The following ERP27 variants were observed in gnomAD, a reference collection of about 807,000 sequenced individuals.
The protein encoded by ERP27 is endoplasmic reticulum resident protein 27.
A neutral mutation model predicts 27.7 loss-of-function variants in ERP27; 23 were observed. The ratio of observed to expected loss-of-function variants is 0.83; its 90% confidence interval spans 0.60 to 1.18. ERP27 has a LOEUF of 1.18. Among genes scored for constraint, ERP27 ranks in the 50% most tolerant of loss-of-function variants. ERP27 has a pLI of 0.00. For synonymous variants in ERP27, 159 were observed against 118.3 expected, an observed-to-expected ratio of 1.34 and a Z score of -2.23; for missense variants, 363 against 327.9, an observed-to-expected ratio of 1.11 and a Z score of -0.83.
At chr12:14,921,255 A>T (rs1054943275) in intron 3 of ERP27, among the ~76,000 whole-genome samples, 3 of 152,234 alleles carry the variant, frequency 2.0e-5, no homozygotes, top group Admixed American at 1.3e-4. Flanking sequence ...GGCAGGTGTC[A>T]TCACAGGAGA....
intron 3 of ERP27, among the ~76,000 whole-genome samples, chr12:14,931,549 G>C (rs1186586574): frequency 6.6e-6 from 1 of 152,246 alleles, no homozygotes; most frequent in East Asian, 1.9e-4. Flanking sequence ...TTCTGGTATG[G>C]CACATAAATA....
chr12:14,930,735 TTTA>T (rs1260369661), intron 3 of ERP27, among the ~76,000 whole-genome samples: 2 of 152,242 alleles, frequency 1.3e-5, no homozygotes, highest in Non-Finnish European at 2.9e-5. Context: ...TGGCTGGCCT[TTTA>T]TTGCTCCAAC....
chr12:14,938,071 G>T lies in ERP27; in HGVS notation c.95-19C>A. ...GGACCATCTAGAGAGAGAAGCAGAA[G>T]ATGTCAGGGTACTGAGGCAAGAAGA... On this transcript the variant is annotated intron_variant, in intron 1 of 6. Transcript: ENST00000266397. The T allele has an allele frequency of 1.2e-6, 2 of 1,601,152 alleles. No individual in the cohort carries two copies. Among genetic ancestry groups the T allele is most frequent in the Non-Finnish European group, 1.7e-6 (2 of 1,168,250 alleles).
At chr12:14,933,298 A>C (rs1863724381) in intron 3 of ERP27, among the ~76,000 whole-genome samples, 2 of 152,198 alleles carry the variant, frequency 1.3e-5, no homozygotes, top group African/African-American at 4.8e-5. Flanking sequence ...AGAGATTATA[A>C]AAGCAGCAGG....
chr12:14,931,363 C>CAAAA (rs60215173), intron 3 of ERP27, among the ~76,000 whole-genome samples: 10 of 129,442 alleles, frequency 7.7e-5, no homozygotes, highest in African/African-American at 1.5e-4. Context: ...GTTCCCTTTT[C>CAAAA]AAAAAAAAAA....
chr12:14,920,787 G>A, intron 4 of ERP27, 145 bp downstream of exon 4: 1 of 610,042 alleles, frequency 1.6e-6, no homozygotes, highest in Non-Finnish European at 2.9e-6. Flanking sequence ...TCTTAAAAAG[G>A]TGTAGGAAGG....
chr12:14,915,025 G>A (rs770626295), intron 6 of ERP27, among the ~76,000 whole-genome samples: 3 of 151,992 alleles, frequency 2.0e-5, no homozygotes, highest in Non-Finnish European at 4.4e-5. Flanking sequence ...TCCTGACTCC[G>A]GCCACCATAT....
At chr12:14,937,515 T>C in intron 2 of ERP27, among the ~76,000 whole-genome samples, 1 of 152,220 alleles carries the variant, frequency 6.6e-6, no homozygotes, top group South Asian at 2.1e-4. Context: ...TAAAAGGCTG[T>C]GCACTGACTA....
chr12:14,936,969 A>G (rs1565454999), intron 2 of ERP27, among the ~76,000 whole-genome samples: 1 of 152,284 alleles, frequency 6.6e-6, no homozygotes, highest in East Asian at 1.9e-4. Flanking sequence ...GAGGCCATGA[A>G]CAATAATTAA....
At chr12:14,916,044 A>C (rs1863406215) in intron 5 of ERP27, among the ~76,000 whole-genome samples, 1 of 151,976 alleles carries the variant, frequency 6.6e-6, no homozygotes, top group African/African-American at 2.4e-5. Context: ...GAGGAGGGGG[A>C]GGAGCAGAAA....
chr12:14,926,778 T>C (rs963000574), intron 3 of ERP27, among the ~76,000 whole-genome samples: 13 of 152,248 alleles, frequency 8.5e-5, no homozygotes, highest in Non-Finnish European at 1.3e-4. Flanking sequence ...ACATGATTAG[T>C]TCCAGATCTC....
At chr12:14,927,425 T>TGA (rs1039302562) in intron 3 of ERP27, among the ~76,000 whole-genome samples, 1 of 151,476 alleles carries the variant, frequency 6.6e-6, no homozygotes, top group African/African-American at 2.4e-5. Context: ...CTGCAGCCCT[T>TGA]GAGAGGGCTT....
At chr12:14,915,732 G>C (rs370483533) in intron 5 of ERP27, 46 bp from the exon 6 acceptor site, 7 of 1,551,222 alleles carry the variant, frequency 4.5e-6, no homozygotes, top group Non-Finnish European at 6.2e-6. Flanking sequence ...CTGAGGTGAC[G>C]TCCAGGGATA....
intron 3 of ERP27, among the ~76,000 whole-genome samples, chr12:14,930,918 A>C (rs1245635451): frequency 1.3e-5 from 2 of 152,206 alleles, no homozygotes; most frequent in Admixed American, 6.5e-5. Context: ...GAATGCTAGG[A>C]GGCTAGAGGA....
intron 3 of ERP27, among the ~76,000 whole-genome samples, chr12:14,923,487 T>TAATCAATC (rs770443474): frequency 2.5e-4 from 36 of 145,924 alleles, no homozygotes; most frequent in Non-Finnish European, 4.8e-4. Context: ...TATCTATCTA[T>TAATCAATC]AATCAATCTA....
chr12:14,934,934 C>A lies in ERP27; in HGVS notation c.255G>T (p.Val85=). 1.9e-6 allele frequency: 3 copies of A among 1,614,142 alleles called. No individual in the cohort carries two copies. Among genetic ancestry groups the A allele is most frequent in the Non-Finnish European group, 2.5e-6 (3 of 1,179,992 alleles). The change falls in exon 3 of 7, where the codon GTG becomes GTT. Residue 85 remains valine (V), a synonymous_variant. Coordinates refer to ENST00000266397, the MANE Select transcript of ERP27 (RefSeq NM_152321.4). ...CAGAATCAGTGCTGATCCCAAATGA[C>A]ACGCCTGGGAATTTTTGCACCATGC... ...LHSMVQKFPG[V]SFGISTDSEV...
intron 1 of ERP27, 40 bp downstream of exon 1, chr12:14,938,375 A>G (rs911344990): frequency 6.3e-6 from 10 of 1,591,844 alleles, no homozygotes. Flanking sequence ...TCCTAATAAC[A>G]CTTTCACACT....
chr12:14,936,719 G>A (rs1201477278), intron 2 of ERP27, among the ~76,000 whole-genome samples: 5 of 152,150 alleles, frequency 3.3e-5, no homozygotes, highest in Admixed American at 6.5e-5. Context: ...TTTTTTAAGC[G>A]TCTGGCATTC....
At chr12:14,920,237 T>C (rs1863480207) in intron 4 of ERP27, among the ~76,000 whole-genome samples, 7 of 152,290 alleles carry the variant, frequency 4.6e-5, no homozygotes, top group Admixed American at 4.6e-4. Context: ...TTTACTCAGA[T>C]TGCATGCAGC....
Sources: gnomAD v4.1 joint callset for allele counts (sites outside exome capture counted in the v4.1 genomes callset) on GRCh38, gnomAD v4.1.1 for gene constraint, MANE v1.5 for transcripts, NCBI Gene and HGNC (gene_info 2026-07-23, HGNC 2026-07-21) for gene names.